Variants in CSMD1 observed in about 807,000 individuals in gnomAD.
The protein encoded by CSMD1 is CUB and Sushi multiple domains 1, also known as CUB and sushi domain-containing protein 1.
Under a neutral mutation model 417.5 loss-of-function variants are expected in CSMD1, and 213 were observed. The ratio of observed to expected loss-of-function variants is 0.51; its 90% CI spans 0.46 to 0.57. The LOEUF (loss-of-function observed/expected upper bound fraction) is 0.57, where lower values mean the gene tolerates loss of function less well. Ranked by LOEUF, CSMD1 falls within the 20% of genes least tolerant of loss-of-function variation. The pLI is 0.00. For missense variants in CSMD1, 6,923 were observed against 4,529.7 expected (o/e 1.53, Z -15.17); for synonymous variants, 2,862 against 1,736.8 (o/e 1.65, Z -16.11).
At chr8:3,998,666 A>G (rs929457177) in intron 4 of CSMD1, among the ~76,000 whole-genome samples, 5 of 152,192 alleles carry the variant, frequency 3.3e-5, no homozygotes, top group Admixed American at 2.6e-4. Context: ...CAGTTACATG[A>G]AACTTAAAAT....
chr8:3,799,162 T>C (rs1047380906), intron 5 of CSMD1, among the ~76,000 whole-genome samples: 4 of 152,114 alleles, frequency 2.6e-5, no homozygotes, highest in Non-Finnish European at 5.9e-5. Flanking sequence ...AGTTTTATAA[T>C]GTATTTATTT....
At chr8:3,713,776 A>G (rs568247952) in intron 6 of CSMD1, among the ~76,000 whole-genome samples, 1 of 152,320 alleles carries the variant, frequency 6.6e-6, no homozygotes, top group Middle Eastern at 3.4e-3. Context: ...ATCACAGAGG[A>G]AATTGTTTTG....
chr8:3,952,815 C>G (rs1811678678), intron 5 of CSMD1, among the ~76,000 whole-genome samples: 1 of 151,978 alleles, frequency 6.6e-6, no homozygotes, highest in East Asian at 1.9e-4. Context: ...TCTCATTAAT[C>G]AAAGAAATAA....
chr8:3,560,649 T>A (rs912229371), intron 10 of CSMD1, among the ~76,000 whole-genome samples: 1 of 152,170 alleles, frequency 6.6e-6, no homozygotes, highest in Non-Finnish European at 1.5e-5. Flanking sequence ...AAAACCTAGA[T>A]ATTTCTATTG....
At chr8:3,224,648 A>G (rs572307606) in intron 27 of CSMD1, among the ~76,000 whole-genome samples, 2 of 152,338 alleles carry the variant, frequency 1.3e-5, no homozygotes, top group Non-Finnish European at 2.9e-5. Flanking sequence ...ACCACTTTAT[A>G]TGATAATAAC....
intron 3 of CSMD1, among the ~76,000 whole-genome samples, chr8:4,295,961 AT>A (rs1240805833): frequency 6.6e-6 from 1 of 151,198 alleles, no homozygotes; most frequent in Non-Finnish European, 1.5e-5. Context: ...TCTGTAGAAC[AT>A]TTTCCTGAAA....
intron 21 of CSMD1, among the ~76,000 whole-genome samples, chr8:3,349,804 G>C (rs1414560923): frequency 9.4e-6 from 1 of 106,362 alleles, no homozygotes; most frequent in East Asian, 2.6e-4. Flanking sequence ...TCTATAAATA[G>C]ATATAAATAT....
chr8:3,430,709 A>C (rs1303293699), intron 12 of CSMD1, among the ~76,000 whole-genome samples: 1 of 152,148 alleles, frequency 6.6e-6, no homozygotes, highest in Non-Finnish European at 1.5e-5. Flanking sequence ...CAGGAGGCTG[A>C]GGCAAGAGGA....
intron 5 of CSMD1, among the ~76,000 whole-genome samples, chr8:3,836,547 G>C (rs771377762): frequency 2.0e-5 from 3 of 152,110 alleles, no homozygotes; most frequent in Admixed American, 6.6e-5. Context: ...AGGATGGAGT[G>C]AGTCAGAAAA....
At chr8:3,147,723 A>G (rs1818927523) in intron 40 of CSMD1, among the ~76,000 whole-genome samples, 1 of 152,224 alleles carries the variant, frequency 6.6e-6, no homozygotes, top group Admixed American at 6.5e-5. Context: ...AAGGCAATCA[A>G]GTTTCCCATA....
At chr8:4,537,614 C>T (rs906829994) in intron 2 of CSMD1, among the ~76,000 whole-genome samples, 1 of 152,170 alleles carries the variant, frequency 6.6e-6, no homozygotes, top group Admixed American at 6.5e-5. Flanking sequence ...CTACTGTTAT[C>T]TGACACTATT....
intron 53 of CSMD1, among the ~76,000 whole-genome samples, chr8:2,999,556 G>T (rs931549345): frequency 2.0e-5 from 3 of 152,150 alleles, no homozygotes; most frequent in Admixed American, 2.0e-4. Flanking sequence ...GGCAGGGAGT[G>T]CCGCTGTTTC....
chr8:4,392,657 TTATTATTA>T, intron 3 of CSMD1, among the ~76,000 whole-genome samples: 1 of 150,856 alleles, frequency 6.6e-6, no homozygotes, highest in East Asian at 2.0e-4. Flanking sequence ...GTTATTATTA[TTATTATTA>T]TTTTTTTTTG....
chr8:3,456,949 C>T (rs1405954620), intron 12 of CSMD1, among the ~76,000 whole-genome samples: 1 of 152,062 alleles, frequency 6.6e-6, no homozygotes, highest in Non-Finnish European at 1.5e-5. Context: ...CTGTCTCACC[C>T]TACACACCCT....
chr8:3,556,849 C>A lies in CSMD1; in HGVS notation c.1344+18096G>T, dbSNP rs183086760. Among the ~76,000 whole-genome samples the A allele has an allele frequency of 7.3e-5, 11 of 151,724 alleles. No homozygotes were observed. The East Asian group carries it at 9.7e-4, about 13-fold the overall frequency. On this transcript the variant is annotated intron_variant, in intron 10 of 69. Coordinates refer to ENST00000635120, the MANE Select transcript of CSMD1 (RefSeq NM_033225.6). ...CCCTTCACTGCCATAGGGCTTACCCCCTCTGGACAGATCTCAGCACACTTC... is the reference window on the plus strand; with the variant it reads ...CCCTTCACTGCCATAGGGCTTACCCACTCTGGACAGATCTCAGCACACTTC...
intron 3 of CSMD1, among the ~76,000 whole-genome samples, chr8:4,246,971 G>A (rs938151357): frequency 3.3e-5 from 5 of 152,128 alleles, no homozygotes; most frequent in Non-Finnish European, 7.4e-5. Flanking sequence ...CACTTTAGAC[G>A]AAGTAGAAAT....
chr8:3,397,045 C>G (rs1207346270), intron 16 of CSMD1, among the ~76,000 whole-genome samples: 1 of 152,102 alleles, frequency 6.6e-6, no homozygotes, highest in East Asian at 1.9e-4. Context: ...TCCCGAGAAT[C>G]TAGCCTGAGA....
At chr8:3,304,831 C>G (rs774305511) in intron 25 of CSMD1, among the ~76,000 whole-genome samples, 2 of 151,780 alleles carry the variant, frequency 1.3e-5, no homozygotes, top group Non-Finnish European at 2.9e-5. Flanking sequence ...AATGCTCACT[C>G]TAATTAATTC....
At chr8:3,556,584 T>C (rs1312343228) in intron 10 of CSMD1, among the ~76,000 whole-genome samples, 1 of 150,906 alleles carries the variant, frequency 6.6e-6, no homozygotes, top group Non-Finnish European at 1.5e-5. Flanking sequence ...AAAAGTTCAA[T>C]ATCACTCTAT....
Sources: allele counts gnomAD v4.1 joint callset (sites outside exome capture counted in the v4.1 genomes callset), GRCh38; gene constraint gnomAD v4.1.1; transcripts MANE v1.5; gene names NCBI Gene and HGNC (gene_info 2026-07-23, HGNC 2026-07-21).